Variants in CTNS observed in about 807,000 individuals in gnomAD.
CTNS encodes cystinosin.
In CTNS, 27 loss-of-function variants were observed where a neutral mutation model predicts 43.7. The ratio of observed to expected loss-of-function variants is 0.62; its 90% confidence interval spans 0.46 to 0.85. The LOEUF (loss-of-function observed/expected upper bound fraction) is 0.85, where lower values mean the gene tolerates loss of function less well. Among genes scored for constraint, CTNS ranks in the 40% least tolerant of loss-of-function variants. CTNS has a pLI of 0.00. For missense variants in CTNS, 457 were observed against 475.4 expected (o/e 0.96, Z 0.36); for synonymous variants, 187 against 190.6 (o/e 0.98, Z 0.16).
At chr17:3,652,316 G>T (rs1334193241) in intron 5 of CTNS, among the ~76,000 whole-genome samples, 1 of 152,174 alleles carries the variant, frequency 6.6e-6, no homozygotes, top group Non-Finnish European at 1.5e-5. Flanking sequence ...GATTGACTGG[G>T]CACGGTGGCT....
Position 3,654,860 on chromosome 17 carries a change from T to C in CTNS, c.226-138T>C, listed in dbSNP as rs1233877212. ...GCTGGTGGGCGCAGCGTCTCTCCTT[T>C]TGCTTAGTAAGCTCTTGGAAGGTGA... On this transcript the variant is annotated intron_variant, in intron 5 of 11. Transcript: ENST00000046640. 4 of 765,596 alleles carry C rather than the reference T, an allele frequency of 5.2e-6. No homozygotes were observed. The Admixed American group carries it at 5.5e-5, about 10-fold the overall frequency. 47.4% of individuals were successfully genotyped at this position (765,596 alleles called of 1,614,324 possible). A position where few individuals can be genotyped will look rare whatever the true frequency, so the allele number is the denominator to read the frequency against.
At chr17:3,636,566 C>T, upstream of CTNS, 1 of 262,402 alleles carries the variant, frequency 3.8e-6, no homozygotes, top group East Asian at 7.3e-5. Flanking sequence ...CAGCGGACCT[C>T]ATCTTCCCTC....
intron 7 of CTNS, 101 bp downstream of exon 7, chr17:3,655,453 C>A: frequency 6.5e-7 from 1 of 1,532,680 alleles, no homozygotes; most frequent in Non-Finnish European, 9.0e-7. Context: ...CCCCTCTACC[C>A]TTCTGTCTGC....
intron 7 of CTNS, 182 bp downstream of exon 7, chr17:3,655,534 T>C: frequency 1.2e-6 from 1 of 850,020 alleles, no homozygotes; most frequent in Non-Finnish European, 1.9e-6. Flanking sequence ...TGCTGGGCGT[T>C]TCATCCCTTG....
At chr17:3,639,855 C>G (rs1315162747) in intron 2 of CTNS, among the ~76,000 whole-genome samples, 1 of 152,088 alleles carries the variant, frequency 6.6e-6, no homozygotes. Flanking sequence ...GAAAAAGAAT[C>G]TCAAGCCAGT....
At chr17:3,647,639 G>A (rs1470135237) in intron 4 of CTNS, 117 bp downstream of exon 4, 8 of 916,062 alleles carry the variant, frequency 8.7e-6, no homozygotes, top group Non-Finnish European at 1.4e-5. Context: ...CCTCTTACCT[G>A]TAAGACAAGC....
chr17:3,649,753 C>T (rs1370502367), intron 5 of CTNS, among the ~76,000 whole-genome samples: 2 of 126,122 alleles, frequency 1.6e-5, no homozygotes, highest in African/African-American at 5.0e-5. Context: ...TTGTGTGTAC[C>T]CTGCTCCCAC....
At chr17:3,649,321 A>G (rs959199048) in intron 5 of CTNS, among the ~76,000 whole-genome samples, 2 of 152,026 alleles carry the variant, frequency 1.3e-5, no homozygotes, top group African/African-American at 4.8e-5. Flanking sequence ...TCGTGGTGGC[A>G]TGCACCTGTA....
At chr17:3,643,391 G>A (rs1457532426) in intron 3 of CTNS, among the ~76,000 whole-genome samples, 1 of 151,998 alleles carries the variant, frequency 6.6e-6, no homozygotes, top group African/African-American at 2.4e-5. Context: ...AGAGTAGCTG[G>A]TATTGGGTAG....
chr17:3,643,125 T>C (rs776721263), intron 3 of CTNS, among the ~76,000 whole-genome samples: 11 of 151,822 alleles, frequency 7.2e-5, no homozygotes, highest in Non-Finnish European at 1.5e-4. Context: ...CTATCCTGGC[T>C]AACATGGTGA....
chr17:3,657,877 G>A (rs966046462), intron 9 of CTNS, 128 bp from the exon 10 acceptor site: 1 of 1,003,524 alleles, frequency 1.0e-6, no homozygotes, highest in Admixed American at 1.8e-5. Context: ...CACCTTGCAG[G>A]GGCTCCTTCA....
chr17:3,640,458 C>T (rs1287311022), intron 3 of CTNS, among the ~76,000 whole-genome samples, 191 bp downstream of exon 3: 1 of 152,248 alleles, frequency 6.6e-6, no homozygotes, highest in Non-Finnish European at 1.5e-5. Flanking sequence ...TGCAAAGAGC[C>T]AGATAGTTCC....
At position 3,655,037 on chromosome 17, in the gene CTNS, G is replaced by C; in HGVS notation, c.265G>C (p.Val89Leu). 1.2e-6 allele frequency: 2 copies of C among 1,614,118 alleles called. No individual in the cohort carries two copies. Among genetic ancestry groups the C allele is most frequent in the Non-Finnish European group, 1.7e-6 (2 of 1,179,970 alleles). Residue 89 changes from valine to leucine, a missense_variant, in exon 6 of 12, where the codon GTG (valine) becomes CTG (leucine). Physicochemically the swap from Val to Leu is conservative, Grantham distance 32. Transcript: ENST00000046640. The part of the protein sequence containing the change: ...PPGVTNSSFQ[V>L]TSQNVGQLTV... Reference sequence around the variant, plus strand: ...TGGAGTGACAAACTCCTCTTTTCAAGTGACATCTCAAAATGTTGGACAACT... The same window carrying C: ...TGGAGTGACAAACTCCTCTTTTCAACTGACATCTCAAAATGTTGGACAACT...
chr17:3,654,178 G>A (rs1473904109), intron 5 of CTNS, among the ~76,000 whole-genome samples: 4 of 152,192 alleles, frequency 2.6e-5, no homozygotes, highest in African/African-American at 9.7e-5. Context: ...TGTGCTGTCA[G>A]CTTTCTGAAC....
chr17:3,657,266 C>T (rs554024252), intron 9 of CTNS, among the ~76,000 whole-genome samples: 9 of 152,262 alleles, frequency 5.9e-5, no homozygotes, highest in African/African-American at 1.2e-4. Context: ...CCTGAGCAGG[C>T]GGGTGCAGCT....
intron 11 of CTNS, 56 bp downstream of exon 11, chr17:3,660,031 A>T: frequency 6.5e-7 from 1 of 1,531,502 alleles, no homozygotes; most frequent in Non-Finnish European, 9.0e-7. Context: ...GGGCGGGGCC[A>T]GCCTTCCCGG....
rs1035565921 is a variant in CTNS at position 3,658,050 on chromosome 17, C to G, written c.727C>G (p.Leu243Val). Residue 243 changes from leucine (L) to valine (V), a missense_variant, in exon 10 of 12, where the codon CTC becomes GTC. Physicochemically the swap from Leu to Val is conservative, Grantham distance 32 (BLOSUM62 1). Transcript: ENST00000046640. ...VSWPAIGFLV[L>V]AWLFAFVTMI... is the part of the protein sequence containing the mutation. ...CTGGCCTGCCATCGGCTTCCTGGTG[C>G]TCGCGTGGCTCTTCGCATTTGTCAC... The G allele has an allele frequency of 6.8e-6, 11 of 1,611,840 alleles. No individual in the cohort carries two copies. The highest frequency in any genetic ancestry group is 1.1e-5 in the South Asian group (1 of 91,008).
At chr17:3,638,648 G>A (rs1250188162) in intron 2 of CTNS, among the ~76,000 whole-genome samples, 3 of 152,172 alleles carry the variant, frequency 2.0e-5, no homozygotes, top group Non-Finnish European at 2.9e-5. Flanking sequence ...AATGTTTGCT[G>A]ACCAAGTCTG....
chr17:3,642,198 A>G (rs943173448), intron 3 of CTNS, among the ~76,000 whole-genome samples: 1 of 150,970 alleles, frequency 6.6e-6, no homozygotes, highest in African/African-American at 2.4e-5. Flanking sequence ...TTAAAGCCCC[A>G]TTAGTAATGC....
Sources: allele counts gnomAD v4.1 joint callset (sites outside exome capture counted in the v4.1 genomes callset), GRCh38; gene constraint gnomAD v4.1.1; transcripts MANE v1.5; gene names NCBI Gene and HGNC (gene_info 2026-07-23, HGNC 2026-07-21).